Variants in CHD3 observed in about 807,000 individuals in gnomAD.
CHD3 encodes the protein chromodomain helicase DNA binding protein 3, also known as ATP-dependent chromatin remodeler CHD3.
CHD3 carries 52 observed loss-of-function variants against 248.9 expected under a neutral mutation model. The ratio of observed to expected loss-of-function variants is 0.21; its 90% confidence interval spans 0.17 to 0.26. CHD3 has a LOEUF of 0.26. Ranked by LOEUF, CHD3 falls within the 10% of genes least tolerant of loss-of-function variation. The probability of loss-of-function intolerance (pLI) is 1.00; values close to 1 mark genes in which losing one functional copy is unlikely to be tolerated. For missense variants in CHD3, 1,482 were observed against 2,605.8 expected, an observed-to-expected ratio of 0.57 and a Z score of 9.39; for synonymous variants, 985 against 985.2, an observed-to-expected ratio of 1.00 and a Z score of 0.00.
chr17:7,903,832 CAAG>C lies in CHD3; in HGVS notation c.3736_3738del (p.Lys1246del), dbSNP rs1442604915. 1.9e-6 allele frequency: 3 copies of C among 1,614,048 alleles called. No homozygotes were observed. Among genetic ancestry groups the C allele is most frequent in the Middle Eastern group, 1.6e-4 (1 of 6,062 alleles). On this transcript the variant is annotated inframe_deletion, in exon 24 of 40. Transcript: ENST00000330494. This position sits in a 1 kb window ranked among gnomAD's most constrained non-coding sequence, Gnocchi z 6.8. ...TGTTTTCCCTCTCACCAGGGGAGAA[CAAG>C]GAGGAGGACAGCAGTGTGATTCATT... is the stretch of plus-strand genomic sequence containing the variant.
In CHD3 at chr17:7,905,101, C is replaced by A; in HGVS notation, c.4074C>A (p.Asp1358Glu). 1 of 1,614,130 alleles carries A rather than the reference C, an allele frequency of 6.2e-7. No homozygotes were observed. Among genetic ancestry groups the A allele is most frequent in the Non-Finnish European group, 8.5e-7 (1 of 1,179,970 alleles). The change falls in exon 26 of 40, where the codon GAC becomes GAA. Residue 1358 changes from aspartate (D) to glutamate (E), a missense_variant and splice_region_variant. Transcript: ENST00000330494. This position sits in a 1 kb window ranked among gnomAD's most constrained non-coding sequence, Gnocchi z 5.8. ...ACTGGGCCCTTTCCACCCCCACAGA[C>A]AACCAGTCAGAGTACTCGGTGGGTT... ...NYNDAAQEDQDNQSEYSVGSE... is the reference protein window; with the variant it reads ...NYNDAAQEDQENQSEYSVGSE...
At position 7,888,885 on chromosome 17, in the gene CHD3, G is replaced by T; in HGVS notation, c.-116G>T. On this transcript the variant is annotated 5_prime_UTR_variant, in exon 1 of 40. Coordinates refer to ENST00000330494, the MANE Select transcript of CHD3 (RefSeq NM_001005273.3). ...TGAAGGGTGAGATCGGGAAACAAAG[G>T]GTATGGCCCCCTAGTTCCCAAAGGG... 2.0e-6 allele frequency: 3 copies of T among 1,529,478 alleles called. No homozygotes were observed. The highest frequency in any genetic ancestry group is 2.6e-6 in the Non-Finnish European group (3 of 1,140,346). 94.7% of individuals were successfully genotyped at this position (1,529,478 alleles called of 1,614,324 possible).
At chr17:7,885,024 TC>T, upstream of CHD3, 1 of 1,178,954 alleles carries the variant, frequency 8.5e-7, no homozygotes, top group Non-Finnish European at 1.0e-6. Flanking sequence ...TGCCACCTCT[TC>T]CCGCCGCCGC....
chr17:7,909,580 C>A lies in CHD3; in HGVS notation c.5590+242C>A, dbSNP rs1459681161. 9 of 576,922 alleles carry A rather than the reference C, an allele frequency of 1.6e-5. No individual in the cohort carries two copies. The highest frequency in any genetic ancestry group is 2.7e-5 in the Non-Finnish European group (9 of 335,112). The allele number at this position is 576,922 out of a possible 1,614,324, so 35.7% of individuals were successfully genotyped here. The stretch of plus-strand genomic sequence containing the variant: ...ATCCGTGCCCAATAGAGGGACCTGC[C>A]CCAGCCTCTGTGTCCCCTCCACACA... On this transcript the variant is annotated intron_variant, in intron 37 of 39. Transcript: ENST00000330494. This position sits in a 1 kb window ranked among gnomAD's most constrained non-coding sequence, Gnocchi z 8.1.
At position 7,904,123 on chromosome 17, in the gene CHD3, T is replaced by C. The variant is rs774860426; in HGVS notation, c.3894+132T>C. The C allele has an allele frequency of 5.1e-5, 47 of 919,052 alleles. No individual in the cohort carries two copies. Among genetic ancestry groups the C allele is most frequent in the Non-Finnish European group, 7.5e-5 (46 of 610,120 alleles). 56.9% of individuals were successfully genotyped at this position (919,052 alleles called of 1,614,324 possible). A position where few individuals can be genotyped will look rare whatever the true frequency, so the allele number is the denominator to read the frequency against. On this transcript the variant is annotated intron_variant, in intron 24 of 39. Coordinates refer to ENST00000330494, the MANE Select transcript of CHD3 (RefSeq NM_001005273.3). This position sits in a 1 kb window ranked among gnomAD's most constrained non-coding sequence, Gnocchi z 4.4. ...GTGGACCTCAAACAACTTCTTCGTC[T>C]AATAGGTGAGACTGGACTTCAGAGA...
chr17:7,901,165 C>G (rs1970253365), intron 19 of CHD3, 79 bp from the exon 20 acceptor site: 1 of 1,531,574 alleles, frequency 6.5e-7, no homozygotes, highest in Non-Finnish European at 8.8e-7. Context: ...ATCCGGGCAT[C>G]TGGCCTTCTA....
chr17:7,900,798 T>C lies in CHD3; in HGVS notation c.2979-54T>C. On this transcript the variant is annotated intron_variant, in intron 18 of 39. Transcript: ENST00000330494. The surrounding 1 kb of genome is among the most constrained non-coding windows in gnomAD (Gnocchi z 6.5). ...TGATGGGAGCGTTCCAAGTGCAATA[T>C]CATAATTGCTTCCTTTATTTATGTT... 1.2e-6 allele frequency: 2 copies of C among 1,610,854 alleles called. No individual in the cohort carries two copies. Among genetic ancestry groups the C allele is most frequent in the South Asian group, 2.2e-5 (2 of 90,984 alleles).
Position 7,900,531 on chromosome 17 carries a change from T to A in CHD3, c.2805-27T>A. 6.2e-7 allele frequency: 1 copy of A among 1,609,872 alleles called. No homozygotes were observed. The highest frequency in any genetic ancestry group is 8.5e-7 in the Non-Finnish European group (1 of 1,176,552). On this transcript the variant is annotated intron_variant, in intron 17 of 39. Transcript: ENST00000330494. The surrounding 1 kb of genome is among the most constrained non-coding windows in gnomAD (Gnocchi z 6.5). The stretch of plus-strand genomic sequence containing the variant: ...CAGGGGCAAGGAACTTGCCGACCTG[T>A]TAATTTTCTTCTCTTCTGGCTCTTA...
Position 7,907,030 on chromosome 17 carries a change from T to G in CHD3, c.4665T>G (p.Pro1555=), listed in dbSNP as rs1025641066. The G allele has an allele frequency of 4.3e-6, 7 of 1,613,886 alleles. No individual in the cohort carries two copies. Among genetic ancestry groups the G allele is most frequent in the Non-Finnish European group, 5.9e-6 (7 of 1,179,972 alleles). Residue 1555 remains proline, a splice_region_variant and synonymous_variant, in exon 30 of 40, where the codon CCT becomes CCG. Transcript: ENST00000330494. The surrounding 1 kb of genome is among the most constrained non-coding windows in gnomAD (Gnocchi z 4.3). ...CCAACAGTCCCTGCACCTCTAAACC[T>G]GGTAATCAGAAGTCAGGATGGTGGG... ...SATNSPCTSK[P]ATPAPSEKGE...
At position 7,908,497 on chromosome 17, in the gene CHD3, G is replaced by T. The variant is rs1239126572; in HGVS notation, c.5248G>T (p.Ala1750Ser). ...CAGAAGACATGACTATTGGCTTCTG[G>T]CTGGGATTGTCCTGTATCCTTTGAT... ...WHRRHDYWLL[A>S]GIVLHGYARW... Residue 1750 changes from alanine (A) to serine (S), a missense_variant, in exon 35 of 40, where the codon GCT becomes TCT. Physicochemically the swap from Ala to Ser is moderately conservative, Grantham distance 99 (BLOSUM62 1). This residue lies in a region of CHD3 where 36 missense variants were observed against 70.4 expected (regional missense o/e 0.51). Transcript: ENST00000330494. The surrounding 1 kb of genome is among the most constrained non-coding windows in gnomAD (Gnocchi z 5.8). 1.9e-6 allele frequency: 3 copies of T among 1,613,468 alleles called. No homozygotes were observed. The African/African-American group carries it at 4.0e-5, about 22-fold the overall frequency.
chr17:7,912,234 A>T lies in CHD3; in HGVS notation c.*649A>T. On this transcript the variant is annotated 3_prime_UTR_variant, in exon 40 of 40. Coordinates refer to ENST00000330494, the MANE Select transcript of CHD3 (RefSeq NM_001005273.3). ...CTGTGTACCGGCATCTTGTGTTGGG[A>T]ATGTTCCCCCCTCCCTAGGGACCAA... 6.0e-6 allele frequency: 1 copy of T among 165,324 alleles called. No homozygotes were observed. Among genetic ancestry groups the T allele is most frequent in the Non-Finnish European group, 1.3e-5 (1 of 77,378 alleles). The allele number at this position is 165,324 out of a possible 1,614,324, so 10.2% of individuals were successfully genotyped here.
chr17:7,910,737 G>T lies in CHD3; in HGVS notation c.5755-110G>T. On this transcript the variant is annotated intron_variant, in intron 38 of 39. Coordinates refer to ENST00000330494, the MANE Select transcript of CHD3 (RefSeq NM_001005273.3). The surrounding 1 kb of genome is among the most constrained non-coding windows in gnomAD (Gnocchi z 4.7). ...CCCTTGAGTGAGTCTCCCTGCCTGT[G>T]TATCCTACCCTTAGCAGTTGTGGAG... 6.6e-7 allele frequency: 1 copy of T among 1,514,558 alleles called. No homozygotes were observed. The allele number at this position is 1,514,558 out of a possible 1,614,324, so 93.8% of individuals were successfully genotyped here.
chr17:7,898,249 C>A lies in CHD3; in HGVS notation c.2051+147C>A, dbSNP rs966845750. On this transcript the variant is annotated intron_variant, in intron 12 of 39. Coordinates refer to ENST00000330494, the MANE Select transcript of CHD3 (RefSeq NM_001005273.3). Reference sequence around the variant, plus strand: ...CCTGAGCTGGGTTGTTTGAGATAGGCTTGCTAAAGAGGTAGTGTAAGGAAC... The same window carrying A: ...CCTGAGCTGGGTTGTTTGAGATAGGATTGCTAAAGAGGTAGTGTAAGGAAC... 23 of 968,516 alleles carry A rather than the reference C, an allele frequency of 2.4e-5. No homozygotes were observed. The Admixed American group carries it at 5.1e-4, about 22-fold the overall frequency. The allele number at this position is 968,516 out of a possible 1,614,324, so 60.0% of individuals were successfully genotyped here.
chr17:7,885,079 G>GCCCCCGCCA (rs1967567495), upstream of CHD3: 1 of 983,990 alleles, frequency 1.0e-6, no homozygotes, highest in East Asian at 1.1e-4. Context: ...CGCCCCCGCC[G>GCCCCCGCCA]CCAGGTAAGC....
At chr17:7,885,622 G>A (rs1353596876), upstream of CHD3, among the ~76,000 whole-genome samples, 1 of 151,926 alleles carries the variant, frequency 6.6e-6, no homozygotes, top group Non-Finnish European at 1.5e-5. Context: ...TTGGACCGAG[G>A]GAGAGTGGGG....
Position 7,893,412 on chromosome 17 carries a change from A to G in CHD3, c.636A>G (p.Ala212=), listed in dbSNP as rs1169985853. ...FKGSAAAVAA[A]AAAAAAAVAE... is the part of the protein sequence containing the mutation. Reference sequence around the variant, plus strand: ...GGTCAGCAGCTGCTGTGGCGGCGGCAGCGGCAGCAGCAGCAGCAGCTGTAG... The same window carrying G: ...GGTCAGCAGCTGCTGTGGCGGCGGCGGCGGCAGCAGCAGCAGCAGCTGTAG... The change falls in exon 5 of 40, where the codon GCA becomes GCG. Residue 212 remains alanine (A), a synonymous_variant. Transcript: ENST00000330494. 1.9e-6 allele frequency: 3 copies of G among 1,611,480 alleles called. No homozygotes were observed. The highest frequency in any genetic ancestry group is 2.2e-5 in the East Asian group (1 of 44,830).
At position 7,900,226 on chromosome 17, in the gene CHD3, C is replaced by T; in HGVS notation, c.2683-64C>T. 1.2e-6 allele frequency: 2 copies of T among 1,605,858 alleles called. No individual in the cohort carries two copies. The highest frequency in any genetic ancestry group is 8.5e-7 in the Non-Finnish European group (1 of 1,175,042). On this transcript the variant is annotated intron_variant, in intron 16 of 39. Transcript: ENST00000330494. This position sits in a 1 kb window ranked among gnomAD's most constrained non-coding sequence, Gnocchi z 6.5. ...GAGCTGGGGCAGGGAAAGGCTGATG[C>T]TGTGGGTCGGTCACTTGTCACTAAT...
In CHD3 at chr17:7,901,372, G is replaced by T. The variant is rs1364079508; in HGVS notation, c.3249G>T (p.Ser1083=). The stretch of plus-strand genomic sequence containing the variant: ...AAGGACACCGAGTGCTCATCTTCTC[G>T]CAGGTGACCTGTGCCCTTAGCTGTC... ...KEQGHRVLIF[S]QMTKMLDLLE... Residue 1083 remains serine (S), a synonymous_variant, in exon 20 of 40, where the codon TCG becomes TCT. Coordinates refer to ENST00000330494, the MANE Select transcript of CHD3 (RefSeq NM_001005273.3). The T allele has an allele frequency of 6.2e-7, 1 of 1,603,254 alleles. No homozygotes were observed. The highest frequency in any genetic ancestry group is 8.5e-7 in the Non-Finnish European group (1 of 1,173,212).
chr17:7,901,464 C>A, intron 20 of CHD3, 89 bp downstream of exon 20: 2 of 1,104,798 alleles, frequency 1.8e-6, no homozygotes, highest in Non-Finnish European at 2.5e-6. Flanking sequence ...CTTCCTGTGG[C>A]TGCTCTGGTG....
Sources: gnomAD v4.1 joint callset for allele counts (sites outside exome capture counted in the v4.1 genomes callset) on GRCh38, gnomAD v4.1.1 for gene constraint, gnomAD v4.1.1 regional missense constraint, Gnocchi (gnomAD v3.1) non-coding constraint, MANE v1.5 for transcripts, NCBI Gene and HGNC (gene_info 2026-07-23, HGNC 2026-07-21) for gene names.